The following PKHD1 variants were observed in gnomAD, a reference collection of about 807,000 sequenced individuals.
The protein encoded by PKHD1 is PKHD1 ciliary IPT domain containing fibrocystin/polyductin, also known as fibrocystin.
In PKHD1, 291 loss-of-function variants were observed where a neutral mutation model predicts 412.0. That is an observed-to-expected ratio of 0.71 (90% CI 0.64 to 0.78). PKHD1 has a LOEUF of 0.78. PKHD1 is among the 30% of genes least tolerant of loss of function. The pLI is 0.00. For synonymous variants in PKHD1, 1,777 were observed against 1,821.5 expected (o/e 0.98, Z 0.62); for missense variants, 4,825 against 4,950.7 (o/e 0.97, Z 0.76).
chr6:51,800,035 T>C (rs1177481391), intron 52 of PKHD1, among the ~76,000 whole-genome samples: 1 of 152,128 alleles, frequency 6.6e-6, no homozygotes, highest in Non-Finnish European at 1.5e-5. Flanking sequence ...TTTCTGTTGC[T>C]CAATGGGTGG....
chr6:51,961,647 T>A (rs1792056889), intron 35 of PKHD1, among the ~76,000 whole-genome samples: 1 of 151,730 alleles, frequency 6.6e-6, no homozygotes, highest in Non-Finnish European at 1.5e-5. Flanking sequence ...TCCTGTAGAA[T>A]ACAGAAAGAG....
intron 35 of PKHD1, among the ~76,000 whole-genome samples, chr6:51,968,133 T>A (rs1793112416): frequency 6.6e-6 from 1 of 152,154 alleles, no homozygotes; most frequent in Non-Finnish European, 1.5e-5. Flanking sequence ...TGAGCTTCAG[T>A]GTATTTTAAA....
chr6:52,044,044 C>T (rs1010267085), intron 25 of PKHD1, among the ~76,000 whole-genome samples: 1 of 152,198 alleles, frequency 6.6e-6, no homozygotes, highest in Non-Finnish European at 1.5e-5. Flanking sequence ...TCTTATCACT[C>T]TGTATTTCCA....
At chr6:51,809,437 T>C (rs1562361442) in intron 52 of PKHD1, among the ~76,000 whole-genome samples, 1 of 152,084 alleles carries the variant, frequency 6.6e-6, no homozygotes, top group East Asian at 1.9e-4. Flanking sequence ...CCTATGACAA[T>C]ATCATACCAG....
intron 58 of PKHD1, 96 bp from the exon 59 acceptor site, chr6:51,746,985 A>C: frequency 2.6e-6 from 2 of 769,086 alleles, no homozygotes; most frequent in Non-Finnish European, 4.2e-6. Context: ...AATAATGTAT[A>C]CCCTAAGTTA....
chr6:51,648,107 T>A lies in PKHD1; in HGVS notation c.11322A>T (p.Val3774=), dbSNP rs1388812392. The change falls in exon 63 of 67, where the codon GTA becomes GTT. Residue 3774 remains valine (V), a synonymous_variant. Coordinates refer to ENST00000371117, the MANE Select transcript of PKHD1 (RefSeq NM_138694.4). ...GCTCTGAAGGAGGTCCCAGGGACTC[T>A]ACTCTTCGATTCTAGAAATGGGAAT... is the stretch of plus-strand genomic sequence containing the variant. ...LVFLDEQNRR[V]ESLGPPSEPW... is the part of the protein sequence containing the mutation. 1 of 1,593,958 alleles carries A rather than the reference T, an allele frequency of 6.3e-7. No homozygotes were observed. Among genetic ancestry groups the A allele is most frequent in the Admixed American group, 1.7e-5 (1 of 59,996 alleles).
At chr6:51,726,616 T>C (rs927845747) in intron 60 of PKHD1, among the ~76,000 whole-genome samples, 1 of 152,166 alleles carries the variant, frequency 6.6e-6, no homozygotes, top group African/African-American at 2.4e-5. Flanking sequence ...CATTTCCTCA[T>C]AATTTTTCAA....
chr6:52,014,424 C>T (rs530682097), intron 34 of PKHD1, among the ~76,000 whole-genome samples: 20 of 152,302 alleles, frequency 1.3e-4, no homozygotes, highest in African/African-American at 2.9e-4. Context: ...ATGACATCCA[C>T]GAATGAGCCA....
rs201004938 is a variant in PKHD1, at chr6:51,739,801, G to T, written c.10156+4584C>A. Among the ~76,000 whole-genome samples the T allele has an allele frequency of 1.3e-4, 20 of 151,624 alleles. No homozygotes were observed. In the East Asian group the frequency reaches 3.5e-3, roughly 26 times the overall value. ...TCCCTTCCACTTTTTTTTTTGTCAT[G>T]GCTGAGAAATTGTTAAATTCTGTTG... On this transcript the variant is annotated intron_variant, in intron 60 of 66. Coordinates refer to ENST00000371117, the MANE Select transcript of PKHD1 (RefSeq NM_138694.4).
chr6:51,688,045 C>G (rs1371164078), intron 60 of PKHD1, among the ~76,000 whole-genome samples: 2 of 152,126 alleles, frequency 1.3e-5, no homozygotes, highest in African/African-American at 4.8e-5. Flanking sequence ...CATATGTCAC[C>G]TGGATTACAT....
intron 60 of PKHD1, among the ~76,000 whole-genome samples, chr6:51,736,136 G>A (rs1002485852): frequency 6.6e-6 from 1 of 152,038 alleles, no homozygotes; most frequent in Non-Finnish European, 1.5e-5. Flanking sequence ...CCAGAAATAT[G>A]GTGGACACTC....
chr6:52,019,050 T>A (rs1204129443), intron 33 of PKHD1, among the ~76,000 whole-genome samples: 4 of 151,932 alleles, frequency 2.6e-5, no homozygotes, highest in Admixed American at 6.6e-5. Flanking sequence ...GACCCACATA[T>A]AAAAAGCATC....
At chr6:51,657,323 C>T (rs1449492827) in intron 61 of PKHD1, among the ~76,000 whole-genome samples, 3 of 151,982 alleles carry the variant, frequency 2.0e-5, no homozygotes, top group Non-Finnish European at 4.4e-5. Flanking sequence ...TTTTATCATA[C>T]TGTGCAACAC....
At chr6:51,806,813 G>T (rs1294611836) in intron 52 of PKHD1, among the ~76,000 whole-genome samples, 1 of 151,668 alleles carries the variant, frequency 6.6e-6, no homozygotes, top group Non-Finnish European at 1.5e-5. Flanking sequence ...AAAGGAAGGA[G>T]ACAATTATGG....
intron 64 of PKHD1, among the ~76,000 whole-genome samples, chr6:51,634,295 G>T (rs1319714462): frequency 4.6e-5 from 7 of 152,072 alleles, no homozygotes; most frequent in African/African-American, 1.7e-4. Context: ...TTGACTTCTG[G>T]CTGACTTGGT....
intron 52 of PKHD1, among the ~76,000 whole-genome samples, chr6:51,792,770 T>A (rs962939024): frequency 6.6e-6 from 1 of 152,210 alleles, no homozygotes; most frequent in African/African-American, 2.4e-5. Flanking sequence ...AAAGCAAGCA[T>A]TAGTTCTGCT....
chr6:52,028,374 G>T (rs1267792701), intron 29 of PKHD1, 23 bp from the exon 30 acceptor site: 1 of 1,607,484 alleles, frequency 6.2e-7, no homozygotes, highest in South Asian at 1.1e-5. Context: ...GAATCCAATA[G>T]CCTCTGACAT....
rs778864835 is a variant in PKHD1 at position 52,046,057 on chromosome 6, C to T, written c.2539G>A (p.Val847Met). 51 of 1,613,574 alleles carry T rather than the reference C, an allele frequency of 3.2e-5. No homozygotes were observed. The highest frequency in any genetic ancestry group is 5.5e-5 in the South Asian group (5 of 91,074). The change falls in exon 24 of 67, where the codon GTG (valine) becomes ATG (methionine). Residue 847 changes from valine (V) to methionine (M), a missense_variant. Transcript: ENST00000371117. ...TGAGTGGACCAGGACAAGGTCCACA[C>T]GTGTTCGTAGCAAGTGTATAGATCC... is the stretch of plus-strand genomic sequence containing the variant. ...KEDLYTCYEH[V>M]WTLSWSTQIG...
At position 52,076,266 on chromosome 6, in the gene PKHD1, G is replaced by T; in HGVS notation, c.448+10C>A. ...CACAATTATTCCTATTTTAATAGAAGATTTCTTACCTGGAACACCACTTGG... is the reference window on the plus strand; with the variant it reads ...CACAATTATTCCTATTTTAATAGAATATTTCTTACCTGGAACACCACTTGG... On this transcript the variant is annotated intron_variant, in intron 6 of 66. Transcript: ENST00000371117. 1 of 1,590,742 alleles carries T rather than the reference G, an allele frequency of 6.3e-7. No homozygotes were observed. Among genetic ancestry groups the T allele is most frequent in the South Asian group, 1.1e-5 (1 of 90,660 alleles).
Sources: allele counts gnomAD v4.1 joint callset (sites outside exome capture counted in the v4.1 genomes callset), GRCh38; gene constraint gnomAD v4.1.1; transcripts MANE v1.5; gene names NCBI Gene and HGNC (gene_info 2026-07-23, HGNC 2026-07-21).